The following KIF16B variants were observed in gnomAD, a reference collection of about 807,000 sequenced individuals.
KIF16B encodes the protein kinesin family member 16B.
KIF16B carries 98 observed loss-of-function variants against 156.3 expected under a neutral mutation model. The ratio of observed to expected loss-of-function variants is 0.63; its 90% CI spans 0.53 to 0.74. The LOEUF is 0.74. KIF16B is among the 30% of genes least tolerant of loss of function. The pLI, the probability that KIF16B is intolerant of heterozygous loss-of-function variation, is 0.00. For synonymous variants in KIF16B, 564 were observed against 583.7 expected, an observed-to-expected ratio of 0.97 and a Z score of 0.49; for missense variants, 1,421 against 1,606.5, an observed-to-expected ratio of 0.88 and a Z score of 1.97.
intron 15 of KIF16B, among the ~76,000 whole-genome samples, chr20:16,418,425 T>C (rs188991190): frequency 6.6e-6 from 1 of 152,240 alleles, no homozygotes; most frequent in East Asian, 1.9e-4. Context: ...TGCTTTCTTA[T>C]ACTCCCTCCT....
intron 10 of KIF16B, among the ~76,000 whole-genome samples, chr20:16,501,052 T>A (rs922846148): frequency 3.3e-5 from 5 of 152,076 alleles, no homozygotes; most frequent in African/African-American, 1.2e-4. Flanking sequence ...TAAAAGAGAA[T>A]AAAACCTTTA....
chr20:16,353,848 G>A (rs1175408899), intron 23 of KIF16B, among the ~76,000 whole-genome samples: 1 of 152,190 alleles, frequency 6.6e-6, no homozygotes, highest in African/African-American at 2.4e-5. Flanking sequence ...ACCTGTCAAG[G>A]TATCAGGAGG....
chr20:16,564,769 G>A (rs915753770), intron 1 of KIF16B, among the ~76,000 whole-genome samples: 4 of 151,930 alleles, frequency 2.6e-5, no homozygotes, highest in African/African-American at 9.7e-5. Flanking sequence ...TTAACTGGAA[G>A]GGCAGCAACA....
intron 7 of KIF16B, 40 bp from the exon 8 acceptor site, chr20:16,506,230 G>A (rs1201131454): frequency 6.6e-7 from 1 of 1,519,454 alleles, no homozygotes; most frequent in Non-Finnish European, 9.1e-7. Flanking sequence ...GAGGTGCAAA[G>A]GGCCCTGATG....
intron 3 of KIF16B, among the ~76,000 whole-genome samples, chr20:16,522,237 A>C (rs1430994334): frequency 6.6e-6 from 1 of 152,196 alleles, no homozygotes; most frequent in Non-Finnish European, 1.5e-5. Context: ...CAAATTAGAT[A>C]GAGTCAAGAC....
intron 1 of KIF16B, among the ~76,000 whole-genome samples, chr20:16,531,831 G>A (rs1345650140): frequency 6.6e-6 from 1 of 152,154 alleles, no homozygotes; most frequent in Non-Finnish European, 1.5e-5. Flanking sequence ...CCATTTGGGA[G>A]GCCGAGGCAA....
At chr20:16,319,136 C>G (rs1385102526) in intron 24 of KIF16B, among the ~76,000 whole-genome samples, 1 of 151,974 alleles carries the variant, frequency 6.6e-6, no homozygotes, top group African/African-American at 2.4e-5. Context: ...CCTATGGAGA[C>G]GTAATGACTA....
intron 24 of KIF16B, among the ~76,000 whole-genome samples, chr20:16,316,780 T>C (rs1169398900): frequency 6.6e-6 from 1 of 152,224 alleles, no homozygotes; most frequent in Non-Finnish European, 1.5e-5. Flanking sequence ...CAATTCTCTG[T>C]AGGTTTCATT....
At chr20:16,312,548 T>C in intron 24 of KIF16B, 130 bp from the exon 25 acceptor site, 1 of 703,470 alleles carries the variant, frequency 1.4e-6, no homozygotes, top group Non-Finnish European at 2.4e-6. Flanking sequence ...AGATGGTGGG[T>C]CCTGCCTTGC....
intron 25 of KIF16B, among the ~76,000 whole-genome samples, chr20:16,302,573 T>C (rs2063488389): frequency 1.3e-5 from 2 of 152,166 alleles, no homozygotes; most frequent in South Asian, 4.1e-4. Context: ...TTGGAGTGAG[T>C]TGAATCTATA....
At chr20:16,507,492 A>T (rs2068821314) in intron 7 of KIF16B, among the ~76,000 whole-genome samples, 1 of 152,190 alleles carries the variant, frequency 6.6e-6, no homozygotes, top group Admixed American at 6.6e-5. Context: ...ATCATAATGA[A>T]TTCTTACATT....
chr20:16,416,785 T>C (rs2066101073), intron 15 of KIF16B, among the ~76,000 whole-genome samples: 1 of 150,904 alleles, frequency 6.6e-6, no homozygotes. Context: ...GAAGCACCAC[T>C]GAACTAACAG....
intron 12 of KIF16B, among the ~76,000 whole-genome samples, chr20:16,472,059 G>C (rs182907529): frequency 6.6e-6 from 1 of 152,296 alleles, no homozygotes; most frequent in East Asian, 1.9e-4. Context: ...GTCGTCTATT[G>C]AGCACATTTG....
chr20:16,401,963 T>A (rs2065666884), intron 17 of KIF16B, among the ~76,000 whole-genome samples: 1 of 152,106 alleles, frequency 6.6e-6, no homozygotes, highest in African/African-American at 2.4e-5. Context: ...ATTCTAGTGG[T>A]TTGCCAGCTC....
intron 25 of KIF16B, among the ~76,000 whole-genome samples, chr20:16,311,713 G>T (rs1448334543): frequency 6.6e-6 from 1 of 152,168 alleles, no homozygotes; most frequent in Non-Finnish European, 1.5e-5. Context: ...TTAGTGAAAA[G>T]ACTCAGCCTC....
chr20:16,370,470 T>C (rs865993062), intron 22 of KIF16B, 116 bp downstream of exon 22: 1 of 749,166 alleles, frequency 1.3e-6, no homozygotes, highest in Non-Finnish European at 2.0e-6. Flanking sequence ...CTATTAGCCA[T>C]TAATCTTGCC....
chr20:16,359,420 T>C lies in KIF16B; in HGVS notation c.3499-2968A>G, dbSNP rs1449286466. Among the ~76,000 whole-genome samples, 3 of 152,314 alleles carry C rather than the reference T, an allele frequency of 2.0e-5. No individual in the cohort carries two copies. The East Asian group carries it at 5.8e-4, about 29-fold the overall frequency. On this transcript the variant is annotated intron_variant, in intron 22 of 25. Transcript: ENST00000354981. ...CCTTCACCTTCCACCATGATTGTAA[T>C]CTTCCTGAGGCTTCCCCAGAATAAG...
chr20:16,349,784 T>C (rs2064299998), intron 23 of KIF16B, among the ~76,000 whole-genome samples: 1 of 152,192 alleles, frequency 6.6e-6, no homozygotes, highest in African/African-American at 2.4e-5. Context: ...AGTTCTGCAA[T>C]TTAGCATGTC....
At chr20:16,545,676 G>A (rs1485078772) in intron 1 of KIF16B, among the ~76,000 whole-genome samples, 6 of 152,072 alleles carry the variant, frequency 3.9e-5, no homozygotes, top group African/African-American at 7.2e-5. Flanking sequence ...AAAGAAAAAC[G>A]TGGAAATGTA....
Sources: gnomAD v4.1 joint callset for allele counts (sites outside exome capture counted in the v4.1 genomes callset) on GRCh38, gnomAD v4.1.1 for gene constraint, MANE v1.5 for transcripts, NCBI Gene and HGNC (gene_info 2026-07-23, HGNC 2026-07-21) for gene names.